Variants in ARHGAP24 observed in about 807,000 individuals in gnomAD.
ARHGAP24 encodes rho GTPase-activating protein 24.
Under a neutral mutation model 76.4 loss-of-function variants are expected in ARHGAP24, and 50 were observed. That is an observed-to-expected ratio of 0.65 (90% CI 0.52 to 0.83). The LOEUF is 0.83. ARHGAP24 is among the 40% of genes least tolerant of loss of function. The probability of loss-of-function intolerance (pLI) is 0.00; values close to 1 mark genes in which losing one functional copy is unlikely to be tolerated. For synonymous variants in ARHGAP24, 345 were observed against 323.3 expected (o/e 1.07, Z -0.72); for missense variants, 930 against 914.2 (o/e 1.02, Z -0.22).
At chr4:85,749,363 C>T (rs1006405417) in intron 3 of ARHGAP24, among the ~76,000 whole-genome samples, 1 of 152,034 alleles carries the variant, frequency 6.6e-6, no homozygotes, top group East Asian at 1.9e-4. Flanking sequence ...CACTCCATTG[C>T]GAACAAACAA....
intron 2 of ARHGAP24, among the ~76,000 whole-genome samples, chr4:85,653,875 C>A (rs1372103573): frequency 6.6e-6 from 1 of 152,054 alleles, no homozygotes; most frequent in Non-Finnish European, 1.5e-5. Context: ...CTGGGCAGCA[C>A]AAATTAAAGA....
intron 3 of ARHGAP24, among the ~76,000 whole-genome samples, chr4:85,894,893 A>C (rs1734054576): frequency 7.0e-6 from 1 of 143,008 alleles, no homozygotes. Flanking sequence ...CCCAGGAGGC[A>C]GAGGTTGCAG....
At chr4:85,577,275 G>T (rs1727419020) in intron 2 of ARHGAP24, among the ~76,000 whole-genome samples, 1 of 151,108 alleles carries the variant, frequency 6.6e-6, no homozygotes, top group Admixed American at 6.6e-5. Context: ...TAAAGATTTA[G>T]AAAGAAGCAG....
intron 7 of ARHGAP24, 64 bp from the exon 8 acceptor site, chr4:85,977,506 C>A (rs1328563028): frequency 6.4e-7 from 1 of 1,564,634 alleles, no homozygotes; most frequent in South Asian, 1.1e-5. Context: ...TTCTAATGAT[C>A]GATTTTTCTT....
At chr4:85,495,066 GC>G (rs1479979198) in intron 1 of ARHGAP24, among the ~76,000 whole-genome samples, 2 of 134,800 alleles carry the variant, frequency 1.5e-5, no homozygotes, top group African/African-American at 5.8e-5. Flanking sequence ...CTGCACTCCA[GC>G]CCAGGCGACA....
intron 1 of ARHGAP24, among the ~76,000 whole-genome samples, chr4:85,565,934 T>C (rs1446486891): frequency 1.3e-5 from 2 of 152,232 alleles, no homozygotes; most frequent in Non-Finnish European, 2.9e-5. Context: ...CATACTGTTG[T>C]GTTCTTGGCC....
chr4:85,777,412 T>C (rs1017864705), intron 3 of ARHGAP24, among the ~76,000 whole-genome samples: 2 of 152,148 alleles, frequency 1.3e-5, no homozygotes, highest in South Asian at 4.1e-4. Flanking sequence ...TGTCTTGGAA[T>C]TGCAAAGTGT....
rs557865191 is a variant in ARHGAP24 at position 85,487,761 on chromosome 4, T to A, written c.-21+12202T>A. On this transcript the variant is annotated intron_variant, in intron 1 of 9. Transcript: ENST00000395184. ...TTATATAATATATATTTATTATATA[T>A]TATATAATATATATTTATTATATAT... is the stretch of plus-strand genomic sequence containing the variant. 9.3e-5 allele frequency among the ~76,000 whole-genome samples: 10 copies of A among 107,470 alleles called. No homozygotes were observed. The South Asian group carries it at 1.5e-3, about 16-fold the overall frequency. 70.5% of individuals were successfully genotyped at this position (107,470 alleles called of 152,430 possible).
intron 3 of ARHGAP24, among the ~76,000 whole-genome samples, chr4:85,861,446 T>C (rs1454788807): frequency 6.6e-6 from 1 of 152,124 alleles, no homozygotes. Flanking sequence ...CTGGAACTTC[T>C]TTGGCCCAGC....
At chr4:85,833,917 G>A (rs1730127678) in intron 3 of ARHGAP24, among the ~76,000 whole-genome samples, 1 of 152,196 alleles carries the variant, frequency 6.6e-6, no homozygotes, top group Non-Finnish European at 1.5e-5. Flanking sequence ...GGGATCAGCT[G>A]GATCTGCTTT....
intron 1 of ARHGAP24, among the ~76,000 whole-genome samples, chr4:85,516,270 C>T (rs1343559649): frequency 1.3e-5 from 2 of 152,202 alleles, no homozygotes; most frequent in African/African-American, 4.8e-5. Flanking sequence ...AAGCTCTGGC[C>T]ACCTGCATCC....
Position 86,000,776 on chromosome 4 carries a change from G to T in ARHGAP24, c.*54G>T, listed in dbSNP as rs1005702308. 6 of 1,610,786 alleles carry T rather than the reference G, an allele frequency of 3.7e-6. No homozygotes were observed. In the African/African-American group the frequency reaches 5.3e-5, roughly 14 times the overall value. On this transcript the variant is annotated 3_prime_UTR_variant, in exon 10 of 10. Coordinates refer to ENST00000395184, the MANE Select transcript of ARHGAP24 (RefSeq NM_001025616.3). Reference sequence around the variant, plus strand: ...CTCTGGCAAGGACTCCAGGGATTCTGGTGGGATATGACTTAGAACCAGGTG... The same window carrying T: ...CTCTGGCAAGGACTCCAGGGATTCTTGTGGGATATGACTTAGAACCAGGTG...
chr4:85,807,745 G>C (rs1578247607), intron 3 of ARHGAP24, among the ~76,000 whole-genome samples: 1 of 152,142 alleles, frequency 6.6e-6, no homozygotes, highest in East Asian at 1.9e-4. Context: ...AGGCGCAGGG[G>C]CTGACCTCAG....
intron 1 of ARHGAP24, among the ~76,000 whole-genome samples, chr4:85,495,594 C>A (rs987635824): frequency 6.6e-6 from 1 of 151,784 alleles, no homozygotes; most frequent in Non-Finnish European, 1.5e-5. Context: ...CCTGGTGATC[C>A]GCCCGCCTCG....
chr4:85,839,199 TA>T (rs1237259531), intron 3 of ARHGAP24, among the ~76,000 whole-genome samples: 1 of 152,212 alleles, frequency 6.6e-6, no homozygotes, highest in Admixed American at 6.5e-5. Flanking sequence ...TTTTAAACAT[TA>T]AAAAGAGTAA....
At chr4:85,754,956 G>T (rs1205380413) in intron 3 of ARHGAP24, among the ~76,000 whole-genome samples, 1 of 152,132 alleles carries the variant, frequency 6.6e-6, no homozygotes, top group African/African-American at 2.4e-5. Flanking sequence ...TAGGCGAAGC[G>T]TGTGAAGGAT....
At chr4:85,486,976 T>C (rs1382942748) in intron 1 of ARHGAP24, among the ~76,000 whole-genome samples, 1 of 151,824 alleles carries the variant, frequency 6.6e-6, no homozygotes, top group Non-Finnish European at 1.5e-5. Flanking sequence ...TAAAGCTCCT[T>C]CAGCAGGAGT....
chr4:85,908,473 A>G (rs1578373977), intron 3 of ARHGAP24, among the ~76,000 whole-genome samples: 1 of 152,336 alleles, frequency 6.6e-6, no homozygotes. Context: ...CCTTTGCACT[A>G]AAGTTGCTAG....
intron 1 of ARHGAP24, among the ~76,000 whole-genome samples, chr4:85,509,511 G>A (rs1724196255): frequency 6.6e-6 from 1 of 151,854 alleles, no homozygotes; most frequent in Non-Finnish European, 1.5e-5. Context: ...AAAATTCTTA[G>A]TATATTAAAT....
Sources: allele counts gnomAD v4.1 joint callset (sites outside exome capture counted in the v4.1 genomes callset), GRCh38; gene constraint gnomAD v4.1.1; transcripts MANE v1.5; gene names NCBI Gene and HGNC (gene_info 2026-07-23, HGNC 2026-07-21).